KRT36: variants seen among roughly 807,000 people sequenced by gnomAD.
The protein encoded by KRT36 is keratin, type I cuticular Ha6.
A neutral mutation model predicts 43.0 loss-of-function variants in KRT36; 41 were observed. The observed-to-expected ratio is 0.95, with a 90% CI of 0.74 to 1.24. KRT36 has a LOEUF of 1.24. Ranked by LOEUF, KRT36 falls within the 50% of genes most tolerant of loss-of-function variation. The pLI, the probability that KRT36 is intolerant of heterozygous loss-of-function variation, is 0.00. For synonymous variants in KRT36, 277 were observed against 252.9 expected (o/e 1.10, Z -0.90); for missense variants, 627 against 595.3 (o/e 1.05, Z -0.55).
chr17:41,488,448 C>A (rs1478623995), intron 2 of KRT36, 49 bp from the exon 3 acceptor site: 3 of 1,598,596 alleles, frequency 1.9e-6, no homozygotes, highest in South Asian at 2.2e-5. Context: ...AACCACACAC[C>A]AGCAGGGACC....
rs759806098 is a variant in KRT36 at position 41,489,698 on chromosome 17, AG to A, written c.166del (p.Leu56SerfsTer45). On this transcript the variant is annotated frameshift_variant, in exon 1 of 7. Coordinates refer to ENST00000328119, the MANE Select transcript of KRT36 (RefSeq NM_003771.5). LOFTEE classifies it high-confidence loss of function. ...AGGCAAGCAGCTCCCAAGGCCAGAG[AG>A]GCCCGACCTAGCAGAAGAGATGTAC... ...AGYISSARSG[L>X]SGLGSCLPGS... 1 of 1,614,166 alleles carries A rather than the reference AG, an allele frequency of 6.2e-7. No individual in the cohort carries two copies. Among genetic ancestry groups the A allele is most frequent in the Non-Finnish European group, 8.5e-7 (1 of 1,180,028 alleles).
Position 41,487,115 on chromosome 17 carries a change from A to C in KRT36, c.1043T>G (p.Leu348Arg). The C allele has an allele frequency of 5.6e-6, 9 of 1,614,224 alleles. No individual in the cohort carries two copies. Among genetic ancestry groups the C allele is most frequent in the Non-Finnish European group, 6.8e-6 (8 of 1,180,012 alleles). Residue 348 changes from leucine (L) to arginine (R), a missense_variant, in exon 6 of 7, where the codon CTG becomes CGG. By Grantham distance (102) the Leu-to-Arg change is moderately radical. Transcript: ENST00000328119. The stretch of plus-strand genomic sequence containing the variant: ...GCTGATCAGGCACTGCATCTGGGCC[A>C]GCTGGGAGCTGTAGCGGGCCTCGGT... ...AETEARYSSQ[L>R]AQMQCLISNV... is the part of the protein sequence containing the mutation.
rs780398928 is a variant in KRT36, at chr17:41,488,376, C to G, written c.566G>C (p.Arg189Pro). Residue 189 changes from arginine to proline, a missense_variant, in exon 3 of 7, where the codon CGG becomes CCG. By Grantham distance (103) the Arg-to-Pro change is moderately radical (BLOSUM62 -2). Coordinates refer to ENST00000328119, the MANE Select transcript of KRT36 (RefSeq NM_003771.5). Reference sequence around the variant, plus strand: ...GTTGATGTCGGCCTCCACTAGCTGCCGCAGAGACAGCTCTGTCTCATACCT... The same window carrying G: ...GTTGATGTCGGCCTCCACTAGCTGCGGCAGAGACAGCTCTGTCTCATACCT... Reference protein sequence around the residue: ...RTKYETELSLRQLVEADINGL... With the variant: ...RTKYETELSLPQLVEADINGL... 1 of 1,614,122 alleles carries G rather than the reference C, an allele frequency of 6.2e-7. No homozygotes were observed. The highest frequency in any genetic ancestry group is 8.5e-7 in the Non-Finnish European group (1 of 1,179,996).
Position 41,487,027 on chromosome 17 carries a change from C to G in KRT36, c.1131G>C (p.Gln377His). The change falls in exon 6 of 7, where the codon CAG (glutamine) becomes CAC (histidine). Residue 377 changes from glutamine to histidine, a missense_variant. Transcript: ENST00000328119. ...GCCGGGCCTTGACGTCCAGTAACAC[C>G]TGGTACTCCTGGTTCTGCCGCTCCA... ...CDLERQNQEYQVLLDVKARLE... is the reference protein window; with the variant it reads ...CDLERQNQEYHVLLDVKARLE... 1 of 1,614,178 alleles carries G rather than the reference C, an allele frequency of 6.2e-7. No homozygotes were observed. Among genetic ancestry groups the G allele is most frequent in the South Asian group, 1.1e-5 (1 of 91,086 alleles).
chr17:41,486,915 CA>C, intron 6 of KRT36, 34 bp downstream of exon 6: 8 of 1,580,152 alleles, frequency 5.1e-6, no homozygotes, highest in Non-Finnish European at 6.9e-6. Context: ...ACTGAGGGTT[CA>C]GTCAAGCCCT....
intron 3 of KRT36, 42 bp from the exon 4 acceptor site, chr17:41,487,779 T>C (rs1361154187): frequency 6.4e-7 from 1 of 1,571,452 alleles, no homozygotes; most frequent in Non-Finnish European, 8.7e-7. Flanking sequence ...GTGAAAAAGA[T>C]GCTGGATTGC....
rs769318429 is a variant in KRT36 at position 41,487,004 on chromosome 17, C to T, written c.1154G>A (p.Arg385Gln). 3 of 1,614,078 alleles carry T rather than the reference C, an allele frequency of 1.9e-6. No individual in the cohort carries two copies. The highest frequency in any genetic ancestry group is 2.2e-5 in the South Asian group (2 of 91,082). Residue 385 changes from arginine (R) to glutamine (Q), a missense_variant, in exon 6 of 7, where the codon CGG becomes CAG. Coordinates refer to ENST00000328119, the MANE Select transcript of KRT36 (RefSeq NM_003771.5). ...EYQVLLDVKA[R>Q]LEGEIATYRH... is the part of the protein sequence containing the mutation. Reference sequence around the variant, plus strand: ...GTAGGTAGCGATCTCGCCCTCCAGCCGGGCCTTGACGTCCAGTAACACCTG... The same window carrying T: ...GTAGGTAGCGATCTCGCCCTCCAGCTGGGCCTTGACGTCCAGTAACACCTG...
chr17:41,489,026 A>G (rs143736128), intron 1 of KRT36, among the ~76,000 whole-genome samples: 2 of 152,202 alleles, frequency 1.3e-5, no homozygotes, highest in Non-Finnish European at 1.5e-5. Flanking sequence ...CTCTTGAGCA[A>G]GTTGCTGAAC....
chr17:41,488,536 G>T, intron 2 of KRT36, 106 bp downstream of exon 2: 1 of 1,505,524 alleles, frequency 6.6e-7, no homozygotes, highest in Non-Finnish European at 9.2e-7. Flanking sequence ...CAGGGCTCAT[G>T]CCACATTTTC....
rs975857410 is a variant in KRT36, at chr17:41,487,822, C to A, written c.700-85G>T. ...AATGACCTGAATTCAAACCCTCTTC[C>A]CTCAGTCACCAGCTGCATAGCATTA... is the stretch of plus-strand genomic sequence containing the variant. On this transcript the variant is annotated intron_variant, in intron 3 of 6. Coordinates refer to ENST00000328119, the MANE Select transcript of KRT36 (RefSeq NM_003771.5). The A allele has an allele frequency of 1.9e-5, 26 of 1,343,486 alleles. No homozygotes were observed. In the African/African-American group the frequency reaches 3.5e-4, roughly 18 times the overall value. The allele number at this position is 1,343,486 out of a possible 1,614,324, so 83.2% of individuals were successfully genotyped here. A position where few individuals can be genotyped will look rare whatever the true frequency, so the allele number is the denominator to read the frequency against.
At position 41,489,546 on chromosome 17, in the gene KRT36, A is replaced by T; in HGVS notation, c.319T>A (p.Tyr107Asn). 1 of 1,614,140 alleles carries T rather than the reference A, an allele frequency of 6.2e-7. No individual in the cohort carries two copies. The highest frequency in any genetic ancestry group is 1.1e-5 in the South Asian group (1 of 91,080). The part of the protein sequence containing the change: ...MQFLNDRLAN[Y>N]LEKVRQLERE... ...TCCAGCTGACGCACCTTCTCCAGGTAGTTGGCCAGGCGGTCGTTCAGGAAC... is the reference window on the plus strand; with the variant it reads ...TCCAGCTGACGCACCTTCTCCAGGTTGTTGGCCAGGCGGTCGTTCAGGAAC... Residue 107 changes from tyrosine (Y) to asparagine (N), a missense_variant, in exon 1 of 7, where the codon TAC (tyrosine) becomes AAC (asparagine). Physicochemically the swap from Tyr to Asn is moderately radical, Grantham distance 143. Transcript: ENST00000328119.
intron 4 of KRT36, 43 bp downstream of exon 4, chr17:41,487,533 C>A (rs768247018): frequency 1.9e-6 from 3 of 1,612,886 alleles, no homozygotes; most frequent in Middle Eastern, 1.6e-4. Flanking sequence ...CCAAGGGTAA[C>A]CCCAGCCCAG....
chr17:41,488,487 G>A (rs9675189), intron 2 of KRT36, 88 bp from the exon 3 acceptor site: 2 of 1,551,090 alleles, frequency 1.3e-6, no homozygotes, highest in Admixed American at 1.7e-5. Context: ...TGCAGTGGCT[G>A]ACGGGATCAG....
At position 41,487,003 on chromosome 17, in the gene KRT36, C is replaced by T. The variant is rs373210506; in HGVS notation, c.1155G>A (p.Arg385=). Residue 385 remains arginine, a synonymous_variant, in exon 6 of 7, where the codon CGG becomes CGA. Transcript: ENST00000328119. ...GGTAGGTAGCGATCTCGCCCTCCAGCCGGGCCTTGACGTCCAGTAACACCT... is the reference window on the plus strand; with the variant it reads ...GGTAGGTAGCGATCTCGCCCTCCAGTCGGGCCTTGACGTCCAGTAACACCT... ...EYQVLLDVKA[R]LEGEIATYRH... 1.9e-5 allele frequency: 30 copies of T among 1,613,938 alleles called. No homozygotes were observed. Among genetic ancestry groups the T allele is most frequent in the Non-Finnish European group, 2.4e-5 (28 of 1,180,036 alleles).
At position 41,488,410 on chromosome 17, in the gene KRT36, A is replaced by C. The variant is rs760308698; in HGVS notation, c.543-11T>G. ...AGCTCTGTCTCATACCTGCACACAC[A>C]GAACCCTGCCAAGTCTGCAGCAAAG... On this transcript the variant is annotated splice_polypyrimidine_tract_variant and intron_variant, in intron 2 of 6. Coordinates refer to ENST00000328119, the MANE Select transcript of KRT36 (RefSeq NM_003771.5). 1.2e-6 allele frequency: 2 copies of C among 1,612,126 alleles called. No homozygotes were observed. The highest frequency in any genetic ancestry group is 2.2e-5 in the South Asian group (2 of 90,990).
chr17:41,487,814 C>A (rs1904449023), intron 3 of KRT36, 77 bp from the exon 4 acceptor site: 3 of 1,406,604 alleles, frequency 2.1e-6, no homozygotes, highest in Non-Finnish European at 2.9e-6. Context: ...TGAATTCAAA[C>A]CCTCTTCCCT....
chr17:41,489,814 G>A lies in KRT36; in HGVS notation c.51C>T (p.Gly17=), dbSNP rs954919645. The A allele has an allele frequency of 1.2e-6, 2 of 1,613,586 alleles. No homozygotes were observed. Among genetic ancestry groups the A allele is most frequent in the African/African-American group, 2.7e-5 (2 of 74,876 alleles). ...AGATGCCGCCTGCTGTGCCACAGAGGCCCTTGATAGACCCAGTGGAGAAGG... is the reference window on the plus strand; with the variant it reads ...AGATGCCGCCTGCTGTGCCACAGAGACCCTTGATAGACCCAGTGGAGAAGG... The part of the protein sequence containing the change: ...TPTFSTGSIK[G]LCGTAGGISR... The change falls in exon 1 of 7, where the codon GGC becomes GGT. Residue 17 remains glycine, a synonymous_variant. Transcript: ENST00000328119.
chr17:41,486,355 C>T lies in KRT36; in HGVS notation c.*21G>A. 1 of 1,610,548 alleles carries T rather than the reference C, an allele frequency of 6.2e-7. No homozygotes were observed. Among genetic ancestry groups the T allele is most frequent in the Non-Finnish European group, 8.5e-7 (1 of 1,178,156 alleles). On this transcript the variant is annotated 3_prime_UTR_variant, in exon 7 of 7. Transcript: ENST00000328119. The stretch of plus-strand genomic sequence containing the variant: ...CTCCTTCCTGTGGTCAGGGCCCTGC[C>T]CTGGTGGACCAAGTGGGCTGTCACA...
Position 41,488,123 on chromosome 17 carries a change from G to T in KRT36, c.699+120C>A. 7 of 963,296 alleles carry T rather than the reference G, an allele frequency of 7.3e-6. 1 individual carries two copies. Among genetic ancestry groups the T allele is most frequent in the Non-Finnish European group, 9.4e-6 (6 of 636,422 alleles). The allele number at this position is 963,296 out of a possible 1,614,324, so 59.7% of individuals were successfully genotyped here. A position where few individuals can be genotyped will look rare whatever the true frequency, so the allele number is the denominator to read the frequency against. ...CTTGGGATTATTGTAAGGATGAAAT[G>T]AAACGAGAATGAAATGCAAGGCCTT... On this transcript the variant is annotated intron_variant, in intron 3 of 6. Coordinates refer to ENST00000328119, the MANE Select transcript of KRT36 (RefSeq NM_003771.5).
Sources: allele counts gnomAD v4.1 joint callset (sites outside exome capture counted in the v4.1 genomes callset), GRCh38; gene constraint gnomAD v4.1.1; transcripts MANE v1.5; gene names NCBI Gene and HGNC (gene_info 2026-07-23, HGNC 2026-07-21).